THADA: variants seen among roughly 807,000 people sequenced by gnomAD.
The protein encoded by THADA is THADA armadillo repeat containing.
Under a neutral mutation model 219.8 loss-of-function variants are expected in THADA, and 213 were observed. The observed-to-expected ratio is 0.97, with a 90% CI of 0.87 to 1.09. The LOEUF (loss-of-function observed/expected upper bound fraction) is 1.09. THADA is among the 50% of genes least tolerant of loss of function. The pLI, the probability that THADA is intolerant of heterozygous loss-of-function variation, is 0.00. For missense variants in THADA, 2,956 were observed against 2,311.3 expected, an observed-to-expected ratio of 1.28 and a Z score of -5.72; for synonymous variants, 1,018 against 828.9, an observed-to-expected ratio of 1.23 and a Z score of -3.92.
chr2:43,293,084 G>A lies in THADA; in HGVS notation c.4568C>T (p.Ala1523Val). ...TGCCGCGGCCCACACTGCAGCAATG[G>A]CTAGTCTGGTGAGGCTCTGGAGGTA... is the stretch of plus-strand genomic sequence containing the variant. ...PQYLQSLTRLAIAAVWAAAAK... is the reference protein window; with the variant it reads ...PQYLQSLTRLVIAAVWAAAAK... The change falls in exon 32 of 38, where the codon GCC becomes GTC. Residue 1523 changes from alanine to valine, a missense_variant. Physicochemically the swap from Ala to Val is moderately conservative, Grantham distance 64. Coordinates refer to ENST00000405975, the MANE Select transcript of THADA (RefSeq NM_022065.5). 1 of 1,613,970 alleles carries A rather than the reference G, an allele frequency of 6.2e-7. No individual in the cohort carries two copies. The highest frequency in any genetic ancestry group is 1.7e-4 in the Middle Eastern group (1 of 6,060).
intron 28 of THADA, among the ~76,000 whole-genome samples, chr2:43,421,346 C>A (rs767161141): frequency 6.6e-6 from 1 of 152,260 alleles, no homozygotes; most frequent in Middle Eastern, 3.4e-3. Context: ...AGGGTGGGGG[C>A]ATACTCCTTT....
intron 29 of THADA, among the ~76,000 whole-genome samples, chr2:43,379,547 C>G (rs1671759575): frequency 1.3e-5 from 2 of 152,164 alleles, no homozygotes; most frequent in African/African-American, 4.8e-5. Flanking sequence ...GCTGGTGACT[C>G]CAAGTGCTGA....
chr2:43,353,838 G>T (rs1668564641), intron 29 of THADA, among the ~76,000 whole-genome samples: 1 of 92,968 alleles, frequency 1.1e-5, no homozygotes, highest in Non-Finnish European at 2.2e-5. Context: ...TTTTTTTTGA[G>T]ATGTAGTCTC....
rs1419768278 is a variant in THADA at position 43,433,132 on chromosome 2, G to C, written c.3837-2830C>G. Among the ~76,000 whole-genome samples the C allele has an allele frequency of 2.0e-5, 3 of 151,862 alleles. No homozygotes were observed. The East Asian group carries it at 5.8e-4, about 29-fold the overall frequency. The stretch of plus-strand genomic sequence containing the variant: ...TATGATCCATTTAAAATTAATTTTT[G>C]TGTATAGTGTGAGATAGAGGTCAAG... On this transcript the variant is annotated intron_variant, in intron 26 of 37. Coordinates refer to ENST00000405975, the MANE Select transcript of THADA (RefSeq NM_022065.5).
At chr2:43,307,781 T>G (rs1016832823) in intron 31 of THADA, among the ~76,000 whole-genome samples, 2 of 152,136 alleles carry the variant, frequency 1.3e-5, no homozygotes, top group Non-Finnish European at 2.9e-5. Context: ...AAATTAACAT[T>G]GTCTGGCATC....
intron 30 of THADA, among the ~76,000 whole-genome samples, chr2:43,336,814 G>C (rs1163461630): frequency 1.3e-5 from 2 of 152,166 alleles, no homozygotes; most frequent in Admixed American, 6.5e-5. Context: ...AATGCCAATA[G>C]CAAGGGATAC....
At chr2:43,325,723 T>C (rs1349640223) in intron 30 of THADA, among the ~76,000 whole-genome samples, 2 of 152,158 alleles carry the variant, frequency 1.3e-5, no homozygotes, top group Non-Finnish European at 2.9e-5. Context: ...TTCAGAGATT[T>C]CCCAAGGGAT....
At chr2:43,296,207 G>A (rs193008257) in intron 31 of THADA, among the ~76,000 whole-genome samples, 80 of 149,624 alleles carry the variant, frequency 5.3e-4, no homozygotes, top group African/African-American at 1.9e-3. Context: ...GTGAGCCACC[G>A]TGCCCGGCCA....
At chr2:43,576,014 A>G (rs886416620) in intron 10 of THADA, among the ~76,000 whole-genome samples, 2 of 152,230 alleles carry the variant, frequency 1.3e-5, no homozygotes, top group South Asian at 4.1e-4. Flanking sequence ...TGCTTCATAA[A>G]TTCTAAAGCA....
At chr2:43,436,835 T>C (rs1030375057) in intron 26 of THADA, among the ~76,000 whole-genome samples, 44 of 152,346 alleles carry the variant, frequency 2.9e-4, no homozygotes, top group African/African-American at 1.0e-3. Context: ...GAGTACTAAG[T>C]GTGTCCTTGG....
chr2:43,310,235 C>CT (rs1021634308), intron 31 of THADA, among the ~76,000 whole-genome samples: 2 of 126,446 alleles, frequency 1.6e-5, no homozygotes, highest in South Asian at 3.3e-4. Context: ...CGCCCCCCCC[C>CT]CAAACAAGCT....
intron 36 of THADA, among the ~76,000 whole-genome samples, chr2:43,261,711 C>T (rs895027525): frequency 6.6e-6 from 1 of 150,998 alleles, no homozygotes; most frequent in South Asian, 2.1e-4. Context: ...TCTCGGCTCA[C>T]TGCAACCTCC....
chr2:43,396,244 A>G (rs927581580), intron 29 of THADA, among the ~76,000 whole-genome samples: 4 of 152,172 alleles, frequency 2.6e-5, no homozygotes, highest in Non-Finnish European at 5.9e-5. Flanking sequence ...CTCTCTTTGC[A>G]TGGGAGACTC....
At chr2:43,278,842 A>G (rs1370941890) in intron 36 of THADA, among the ~76,000 whole-genome samples, 1 of 152,200 alleles carries the variant, frequency 6.6e-6, no homozygotes, top group Non-Finnish European at 1.5e-5. Context: ...CATCAATTAC[A>G]AAGGCTTATC....
At chr2:43,245,608 C>G (rs1194062581) in intron 36 of THADA, among the ~76,000 whole-genome samples, 1 of 152,232 alleles carries the variant, frequency 6.6e-6, no homozygotes, top group African/African-American at 2.4e-5. Context: ...CCTCAACCCT[C>G]TGAGCTTACT....
At chr2:43,452,100 C>T (rs1230903554) in intron 26 of THADA, among the ~76,000 whole-genome samples, 1 of 152,138 alleles carries the variant, frequency 6.6e-6, no homozygotes, top group Non-Finnish European at 1.5e-5. Flanking sequence ...GAGCGAGACT[C>T]CATCTCAGAA....
intron 29 of THADA, among the ~76,000 whole-genome samples, chr2:43,353,384 G>A (rs1415854501): frequency 6.6e-6 from 1 of 152,150 alleles, no homozygotes; most frequent in African/African-American, 2.4e-5. Flanking sequence ...GAGTGAGGTG[G>A]CATCACATAA....
chr2:43,522,954 C>T (rs1692680602), intron 22 of THADA, among the ~76,000 whole-genome samples: 1 of 151,726 alleles, frequency 6.6e-6, no homozygotes, highest in East Asian at 2.0e-4. Flanking sequence ...ATATGGCTCC[C>T]CAAGGTGGCT....
intron 28 of THADA, 110 bp from the exon 29 acceptor site, chr2:43,398,249 G>T (rs1476327028): frequency 8.6e-7 from 1 of 1,157,114 alleles, no homozygotes; most frequent in East Asian, 2.4e-5. Context: ...GGGTTAGGGG[G>T]AGACAGGAGC....
Sources: allele counts gnomAD v4.1 joint callset (sites outside exome capture counted in the v4.1 genomes callset), GRCh38; gene constraint gnomAD v4.1.1; transcripts MANE v1.5; gene names NCBI Gene and HGNC (gene_info 2026-07-23, HGNC 2026-07-21).